Variants in TELO2 observed in about 807,000 individuals in gnomAD.
The protein encoded by TELO2 is telomere maintenance 2.
TELO2 carries 71 observed loss-of-function variants against 91.0 expected under a neutral mutation model. The observed-to-expected ratio is 0.78, with a 90% CI of 0.64 to 0.95. The LOEUF is 0.95. TELO2 is among the 40% of genes least tolerant of loss of function. The probability of loss-of-function intolerance (pLI) is 0.00; values close to 1 mark genes in which losing one functional copy is unlikely to be tolerated. For missense variants in TELO2, 1,183 were observed against 1,141.3 expected (o/e 1.04, Z -0.53); for synonymous variants, 584 against 518.9 (o/e 1.13, Z -1.71).
At chr16:1,508,848 C>T (rs1416653153) in intron 20 of TELO2, among the ~76,000 whole-genome samples, 1 of 152,162 alleles carries the variant, frequency 6.6e-6, no homozygotes, top group Non-Finnish European at 1.5e-5. Flanking sequence ...GACCTGTGCT[C>T]AGGGTGGCCG....
intron 20 of TELO2, among the ~76,000 whole-genome samples, 168 bp downstream of exon 20, chr16:1,507,884 GTGTGTGTGTGA>G (rs2039968164): frequency 9.5e-6 from 1 of 105,794 alleles, no homozygotes; most frequent in African/African-American, 4.7e-5. Context: ...GTGTGTGTGT[GTGTGTGTGTGA>G]TGTGTGTCGG....
chr16:1,502,128 C>T lies in TELO2; in HGVS notation c.1554C>T (p.Cys518=), dbSNP rs146952791. ...AGGCTCCTGCCTACGTCCGGGACTG[C>T]GTGGAAGGTGGGCACGGGCCCCTGG... ...SSKAPAYVRD[C]VEALTTSEDI... is the part of the protein sequence containing the mutation. The change falls in exon 12 of 21, where the codon TGC becomes TGT. Residue 518 remains cysteine, a synonymous_variant. Coordinates refer to ENST00000262319, the MANE Select transcript of TELO2 (RefSeq NM_016111.4). 151 of 1,612,814 alleles carry T rather than the reference C, an allele frequency of 9.4e-5. No homozygotes were observed. In the African/African-American group the frequency reaches 1.3e-3, roughly 14 times the overall value.
intron 7 of TELO2, 80 bp downstream of exon 7, chr16:1,500,244 G>A: frequency 2.0e-6 from 3 of 1,533,080 alleles, no homozygotes; most frequent in African/African-American, 1.4e-5. Flanking sequence ...GCGGCAGGGT[G>A]AGGCTGGCTG....
intron 18 of TELO2, 53 bp from the exon 19 acceptor site, chr16:1,507,253 G>A: frequency 6.3e-7 from 1 of 1,594,160 alleles, no homozygotes; most frequent in Non-Finnish European, 8.5e-7. Flanking sequence ...ATGGGTGCTG[G>A]GATGTGGGGA....
At chr16:1,496,320 G>A (rs1456477959) in intron 3 of TELO2, among the ~76,000 whole-genome samples, 1 of 152,196 alleles carries the variant, frequency 6.6e-6, no homozygotes, top group African/African-American at 2.4e-5. Context: ...GGCCCCTCGA[G>A]TCCCTGCGTG....
chr16:1,499,434 T>C, intron 6 of TELO2, 101 bp downstream of exon 6: 1 of 1,339,376 alleles, frequency 7.5e-7, no homozygotes, highest in Admixed American at 1.8e-5. Flanking sequence ...TGGGAGACCC[T>C]GCCTGTGATT....
Position 1,505,653 on chromosome 16 carries a change from G to A in TELO2, c.2034+52G>A. 6.8e-7 allele frequency: 1 copy of A among 1,475,496 alleles called. No homozygotes were observed. Among genetic ancestry groups the A allele is most frequent in the Non-Finnish European group, 9.3e-7 (1 of 1,078,182 alleles). 91.4% of individuals were successfully genotyped at this position (1,475,496 alleles called of 1,614,324 possible). A position where few individuals can be genotyped will look rare whatever the true frequency, so the allele number is the denominator to read the frequency against. ...CGGGCATGGGGACCGTGGGTGGGTG[G>A]GAAGGGCGGTCAGACACCTCCAGGC... On this transcript the variant is annotated intron_variant, in intron 16 of 20. Transcript: ENST00000262319. This position sits in a 1 kb window ranked among gnomAD's most constrained non-coding sequence, Gnocchi z 4.3.
In TELO2 at chr16:1,500,328, T is replaced by C. The variant is rs199530570; in HGVS notation, c.1003-19T>C. Reference sequence around the variant, plus strand: ...ACTGGCCCCGAGCCCCACACAGTCGTGGGCCATGCCACCTGCAGGTGCTGA... The same window carrying C: ...ACTGGCCCCGAGCCCCACACAGTCGCGGGCCATGCCACCTGCAGGTGCTGA... On this transcript the variant is annotated intron_variant, in intron 7 of 20. Coordinates refer to ENST00000262319, the MANE Select transcript of TELO2 (RefSeq NM_016111.4). The C allele has an allele frequency of 1.3e-4, 199 of 1,570,312 alleles. No homozygotes were observed. The African/African-American group carries it at 1.9e-3, about 15-fold the overall frequency.
At position 1,508,155 on chromosome 16, in the gene TELO2, CAG is replaced by C. The variant is rs543591910; in HGVS notation, c.2407+442_2407+443del. 4.1e-3 allele frequency among the ~76,000 whole-genome samples: 621 copies of C among 150,488 alleles called. 1 individual carries two copies. Among genetic ancestry groups the C allele is most frequent in the South Asian group, 9.4e-3 (43 of 4,586 alleles). The stretch of plus-strand genomic sequence containing the variant: ...ACTTTTTGTTTGTTTGTTTTTTAGA[CAG>C]AGTCTTGCTCTGTCGCCCAGGCTGG... On this transcript the variant is annotated intron_variant, in intron 20 of 20. Transcript: ENST00000262319.
rs767256385 is a variant in TELO2, at chr16:1,507,702, G to A, written c.2393G>A (p.Arg798Gln). ...CTGATGGACGAGCTGCTGGAAGCCC[G>A]GTCCTGGCTGGCGGGTGAGTGTCGG... is the stretch of plus-strand genomic sequence containing the variant. ...EDLMDELLEA[R>Q]SWLADVAEKD... is the part of the protein sequence containing the mutation. Residue 798 changes from arginine (R) to glutamine (Q), a missense_variant, in exon 20 of 21, where the codon CGG (arginine) becomes CAG (glutamine). By Grantham distance (43) the Arg-to-Gln change is conservative (BLOSUM62 1). Transcript: ENST00000262319. 5.6e-6 allele frequency: 9 copies of A among 1,603,478 alleles called. No homozygotes were observed. Among genetic ancestry groups the A allele is most frequent in the African/African-American group, 1.3e-5 (1 of 74,902 alleles).
Position 1,495,434 on chromosome 16 carries a change from C to T in TELO2, c.424C>T (p.Arg142Trp), listed in dbSNP as rs535065684. Residue 142 changes from arginine (R) to tryptophan (W), a missense_variant, in exon 3 of 21, where the codon CGG becomes TGG. Physicochemically the swap from Arg to Trp is moderately radical, Grantham distance 101 (BLOSUM62 -3). Transcript: ENST00000262319. ...RLAVLMEAQC[R>W]QQTQPGFILL... ...GGCAGTGCTGATGGAGGCGCAGTGT[C>T]GGCAGCAGACGCAGCCCGGCTTCAT... 1.7e-4 allele frequency: 275 copies of T among 1,600,396 alleles called. 2 individuals carry two copies. The Admixed American group carries it at 1.8e-3, about 10-fold the overall frequency.
intron 3 of TELO2, 55 bp from the exon 4 acceptor site, chr16:1,496,981 T>C: frequency 1.0e-5 from 16 of 1,567,808 alleles, no homozygotes; most frequent in Non-Finnish European, 1.4e-5. Flanking sequence ...CACACCTAGA[T>C]GTTCTTTTGT....
chr16:1,494,643 T>A lies in TELO2; in HGVS notation c.335+27T>A, dbSNP rs1318868151. On this transcript the variant is annotated intron_variant, in intron 2 of 20. Transcript: ENST00000262319. The surrounding 1 kb of genome is among the most constrained non-coding windows in gnomAD (Gnocchi z 5.6). ...TGAGTGGGCTGGGCCCATCCTGGGGTTGCCGGTAGCCTCAGAAGTGATGAG... is the reference window on the plus strand; with the variant it reads ...TGAGTGGGCTGGGCCCATCCTGGGGATGCCGGTAGCCTCAGAAGTGATGAG... 3 of 1,593,776 alleles carry A rather than the reference T, an allele frequency of 1.9e-6. No individual in the cohort carries two copies. The highest frequency in any genetic ancestry group is 1.7e-6 in the Non-Finnish European group (2 of 1,169,748).
chr16:1,506,585 C>T lies in TELO2; in HGVS notation c.2126+256C>T, dbSNP rs550445855. On this transcript the variant is annotated intron_variant, in intron 17 of 20. Transcript: ENST00000262319. ...GGCATGGCCGGCAGTGCCGCCCGCA[C>T]GTGCCCGACGCCATCACCTGCTGGG... 2.3e-5 allele frequency: 32 copies of T among 1,404,914 alleles called. 1 individual carries two copies. The East Asian group carries it at 4.3e-4, about 19-fold the overall frequency. The allele number at this position is 1,404,914 out of a possible 1,614,324, so 87.0% of individuals were successfully genotyped here.
rs1321271917 is a variant in TELO2 at position 1,504,415 on chromosome 16, C to CA, written c.1843-994dup. On this transcript the variant is annotated intron_variant, in intron 15 of 20. Coordinates refer to ENST00000262319, the MANE Select transcript of TELO2 (RefSeq NM_016111.4). ...CGCCACTGCACTCCAGACTGGGCGA[C>CA]AGAGCGAGACTCCATCTCAAAAAAA... Among the ~76,000 whole-genome samples, 6 of 84,102 alleles carry CA rather than the reference C, an allele frequency of 7.1e-5. No individual in the cohort carries two copies. In the East Asian group the frequency reaches 1.6e-3, roughly 23 times the overall value. The allele number at this position is 84,102 out of a possible 152,430, so 55.2% of individuals were successfully genotyped here. A position where few individuals can be genotyped will look rare whatever the true frequency, so the allele number is the denominator to read the frequency against.
chr16:1,508,011 C>T (rs1447685746), intron 20 of TELO2, among the ~76,000 whole-genome samples: 2 of 145,998 alleles, frequency 1.4e-5, no homozygotes, highest in Non-Finnish European at 3.0e-5. Context: ...GCCGGAGGTG[C>T]AGCCACCCCA....
chr16:1,501,630 C>T, intron 10 of TELO2, 33 bp from the exon 11 acceptor site: 3 of 1,589,204 alleles, frequency 1.9e-6, no homozygotes, highest in South Asian at 1.1e-5. Context: ...TCGAGGGGCC[C>T]CTAAAGGATT....
rs1249187214 is a variant in TELO2, at chr16:1,495,608, G to T, written c.598G>T (p.Val200Leu). Reference protein sequence around the residue: ...EEVVRVLQAVVDSLQGGLDSS... With the variant: ...EEVVRVLQAVLDSLQGGLDSS... The stretch of plus-strand genomic sequence containing the variant: ...GGTCGTCCGGGTGCTGCAGGCGGTT[G>T]TGGACTCTCTCCAAGGTGAGGCCCT... The change falls in exon 3 of 21, where the codon GTG becomes TTG. Residue 200 changes from valine (V) to leucine (L), a missense_variant. By Grantham distance (32) the Val-to-Leu change is conservative. Coordinates refer to ENST00000262319, the MANE Select transcript of TELO2 (RefSeq NM_016111.4). 2.5e-6 allele frequency: 4 copies of T among 1,600,166 alleles called. No individual in the cohort carries two copies. Among genetic ancestry groups the T allele is most frequent in the Admixed American group, 3.3e-5 (2 of 59,704 alleles).
chr16:1,500,683 C>T lies in TELO2; in HGVS notation c.1265C>T (p.Pro422Leu). 6.2e-7 allele frequency: 1 copy of T among 1,612,452 alleles called. No homozygotes were observed. ...AGTGCCCGGATCCACCCCGAGGGGC[C>T]TCCCCTGAAATTCCAGGTGAGCGGG... ...VVSARIHPEG[P>L]PLKFQYEEDE... The change falls in exon 9 of 21, where the codon CCT becomes CTT. Residue 422 changes from proline (P) to leucine (L), a missense_variant. Transcript: ENST00000262319.
Sources: allele counts gnomAD v4.1 joint callset (sites outside exome capture counted in the v4.1 genomes callset), GRCh38; gene constraint gnomAD v4.1.1; non-coding constraint Gnocchi (gnomAD v3.1); transcripts MANE v1.5; gene names NCBI Gene and HGNC (gene_info 2026-07-23, HGNC 2026-07-21).